The following PCNT variants were observed in gnomAD, a reference collection of about 807,000 sequenced individuals.
PCNT encodes pericentrin, also known as kendrin.
PCNT carries 319 observed loss-of-function variants against 380.4 expected under a neutral mutation model. That is an observed-to-expected ratio of 0.84 (90% CI 0.77 to 0.92). The LOEUF (loss-of-function observed/expected upper bound fraction) is 0.92. Among genes scored for constraint, PCNT ranks in the 40% least tolerant of loss-of-function variants. The pLI is 0.00. For missense variants in PCNT, 4,400 were observed against 4,255.3 expected (o/e 1.03, Z -0.95); for synonymous variants, 1,845 against 1,735.2 (o/e 1.06, Z -1.57).
Position 46,445,301 on chromosome 21 carries a change from TC to T in PCNT, c.9987del (p.Cys3330AlafsTer4). The T allele has an allele frequency of 1.2e-6, 2 of 1,609,346 alleles. No individual in the cohort carries two copies. The highest frequency in any genetic ancestry group is 1.7e-6 in the Non-Finnish European group (2 of 1,175,588). On this transcript the variant is annotated frameshift_variant, in exon 47 of 47. Coordinates refer to ENST00000359568, the MANE Select transcript of PCNT (RefSeq NM_006031.6). LOFTEE classifies it high-confidence loss of function. ...GVLPDSTSKK[S>X]CHPMIKQ ...ATATGCAGATTCTACTTCAAAGAAATCCTGCCACCCGATGATTAAACAGTGA... is the reference window on the plus strand; with the variant it reads ...ATATGCAGATTCTACTTCAAAGAAATCTGCCACCCGATGATTAAACAGTGA...
chr21:46,346,235 C>T (rs1487875339), intron 4 of PCNT, 27 bp downstream of exon 4: 1 of 1,560,724 alleles, frequency 6.4e-7, no homozygotes, highest in African/African-American at 1.4e-5. Flanking sequence ...TGCACAGGCT[C>T]ACAGCATGGG....
intron 20 of PCNT, 134 bp from the exon 21 acceptor site, chr21:46,391,030 A>G: frequency 9.1e-7 from 1 of 1,101,338 alleles, no homozygotes; most frequent in Non-Finnish European, 1.4e-6. Context: ...GGAGGCCTAC[A>G]CCTGGGTCCT....
rs776895418 is a variant in PCNT at position 46,399,635 on chromosome 21, A to G, written c.4630A>G (p.Asn1544Asp). ...GTTGAGAGAAAAGTTGGATGAATTT[A>G]ATGAATTGGCTATACAGAAAGAGTC... ...QKLREKLDEF[N>D]ELAIQKESAD... The change falls in exon 25 of 47, where the codon AAT becomes GAT. Residue 1544 changes from asparagine (N) to aspartate (D), a missense_variant. Physicochemically the swap from Asn to Asp is conservative, Grantham distance 23. Coordinates refer to ENST00000359568, the MANE Select transcript of PCNT (RefSeq NM_006031.6). The G allele has an allele frequency of 5.0e-6, 8 of 1,613,904 alleles. No individual in the cohort carries two copies. Among genetic ancestry groups the G allele is most frequent in the African/African-American group, 1.3e-5 (1 of 74,950 alleles).
At chr21:46,386,461 C>T (rs552415337) in intron 17 of PCNT, among the ~76,000 whole-genome samples, 24 of 152,358 alleles carry the variant, frequency 1.6e-4, no homozygotes, top group Admixed American at 4.6e-4. Flanking sequence ...TAGCCCTGTC[C>T]GTTCCTTTCT....
intron 38 of PCNT, among the ~76,000 whole-genome samples, chr21:46,435,392 A>C (rs1392012002): frequency 6.6e-6 from 1 of 150,952 alleles, no homozygotes; most frequent in Non-Finnish European, 1.5e-5. Flanking sequence ...CGCCCAGCTA[A>C]TTTTTATATT....
chr21:46,384,136 A>G (rs1416927643), intron 16 of PCNT, among the ~76,000 whole-genome samples: 4 of 107,924 alleles, frequency 3.7e-5, no homozygotes, highest in Non-Finnish European at 5.7e-5. Flanking sequence ...ATATTCAGTG[A>G]TGGAAGCACA....
At chr21:46,399,558 T>C (rs1397977325) in intron 24 of PCNT, 32 bp from the exon 25 acceptor site, 1 of 1,506,200 alleles carries the variant, frequency 6.6e-7, no homozygotes. Context: ...AAACATTCTA[T>C]TGTATTCCTC....
chr21:46,389,425 C>T lies in PCNT; in HGVS notation c.3834C>T (p.Ser1278=), dbSNP rs752510305. The T allele has an allele frequency of 1.1e-5, 18 of 1,613,272 alleles. No individual in the cohort carries two copies. The highest frequency in any genetic ancestry group is 3.3e-4 in the Middle Eastern group (2 of 6,058). ...DGLMEMALDS[S]RQLEEARQIH... is the part of the protein sequence containing the mutation. The stretch of plus-strand genomic sequence containing the variant: ...TCATGGAGATGGCCCTGGACTCCAG[C>T]AGGCAGGTGAGGCCCAGGCTCCCGG... Residue 1278 remains serine (S), a synonymous_variant, in exon 19 of 47, where the codon AGC becomes AGT. Coordinates refer to ENST00000359568, the MANE Select transcript of PCNT (RefSeq NM_006031.6).
At chr21:46,355,323 G>C (rs962454847) in intron 11 of PCNT, 129 bp from the exon 12 acceptor site, 1 of 963,392 alleles carries the variant, frequency 1.0e-6, no homozygotes, top group Non-Finnish European at 1.7e-6. Flanking sequence ...AGGGCGCAGC[G>C]TGTGGTCTCA....
Position 46,431,735 on chromosome 21 carries a change from G to A in PCNT, c.8271G>A (p.Leu2757=). Residue 2757 remains leucine (L), a synonymous_variant, in exon 38 of 47, where the codon CTG becomes CTA. Coordinates refer to ENST00000359568, the MANE Select transcript of PCNT (RefSeq NM_006031.6). ...CTGAGAAGAGCCGCACCCTGGAGCT[G>A]TCAGAGGCCTTGCGGCACGAGCGGC... ...LAAEKSRTLE[L]SEALRHERLL... The A allele has an allele frequency of 6.2e-7, 1 of 1,612,430 alleles. No homozygotes were observed. Among genetic ancestry groups the A allele is most frequent in the Non-Finnish European group, 8.5e-7 (1 of 1,179,820 alleles).
At chr21:46,366,478 T>A in intron 14 of PCNT, 106 bp from the exon 15 acceptor site, 1 of 914,544 alleles carries the variant, frequency 1.1e-6, no homozygotes, top group Non-Finnish European at 1.8e-6. Context: ...AACGATGACC[T>A]GAACAGTTGA....
chr21:46,410,715 C>A (rs139702040), intron 27 of PCNT, among the ~76,000 whole-genome samples: 36 of 152,318 alleles, frequency 2.4e-4, no homozygotes, highest in African/African-American at 8.2e-4. Flanking sequence ...CGCCTCATCA[C>A]CAGCGTCACC....
At chr21:46,445,055 C>CG (rs1556011564) in intron 46 of PCNT, among the ~76,000 whole-genome samples, 6 of 152,110 alleles carry the variant, frequency 3.9e-5, no homozygotes, top group African/African-American at 1.4e-4. Flanking sequence ...ACCGTCTGGA[C>CG]TTTTTTGTCC....
rs1396244124 is a variant in PCNT at position 46,431,883 on chromosome 21, A to T, written c.8419A>T (p.Met2807Leu). Reference protein sequence around the residue: ...EKSRVVDLQAMLEKVQQQALH... With the variant: ...EKSRVVDLQALLEKVQQQALH... The stretch of plus-strand genomic sequence containing the variant: ...GTCCCGGGTGGTGGACTTGCAAGCG[A>T]TGCTTGAAAAGGTGCAGCAGCAAGC... The change falls in exon 38 of 47, where the codon ATG becomes TTG. Residue 2807 changes from methionine to leucine, a missense_variant. By Grantham distance (15) the Met-to-Leu change is conservative. Transcript: ENST00000359568. 1 of 1,614,100 alleles carries T rather than the reference A, an allele frequency of 6.2e-7. No homozygotes were observed. The highest frequency in any genetic ancestry group is 1.1e-5 in the South Asian group (1 of 91,086).
At position 46,366,857 on chromosome 21, in the gene PCNT, G is replaced by C; in HGVS notation, c.2883G>C (p.Glu961Asp). 6.2e-7 allele frequency: 1 copy of C among 1,614,102 alleles called. No individual in the cohort carries two copies. The change falls in exon 15 of 47, where the codon GAG becomes GAC. Residue 961 changes from glutamate (E) to aspartate (D), a missense_variant. By Grantham distance (45) the Glu-to-Asp change is conservative. Transcript: ENST00000359568. ...TKHAADLGAL[E>D]TRHLSSLDSL... ...ACGCTGCCGACCTCGGCGCTCTGGAGACCAGACATCTGTCCAGCCTTGATT... is the reference window on the plus strand; with the variant it reads ...ACGCTGCCGACCTCGGCGCTCTGGACACCAGACATCTGTCCAGCCTTGATT...
rs957342518 is a variant in PCNT, at chr21:46,385,871, G to C, written c.3352G>C (p.Glu1118Gln). 6.2e-7 allele frequency: 1 copy of C among 1,614,208 alleles called. No homozygotes were observed. The highest frequency in any genetic ancestry group is 8.5e-7 in the Non-Finnish European group (1 of 1,179,992). ...TTTATCCTTAAGTCACGAGATAGAA[G>C]AGTGCCGCTCCGAGTTGGAGGTGCT... is the stretch of plus-strand genomic sequence containing the variant. Reference protein sequence around the residue: ...QVLSLSHEIEECRSELEVLQQ... With the variant: ...QVLSLSHEIEQCRSELEVLQQ... Residue 1118 changes from glutamate (E) to glutamine (Q), a missense_variant, in exon 17 of 47, where the codon GAG becomes CAG. Physicochemically the swap from Glu to Gln is conservative, Grantham distance 29. Transcript: ENST00000359568.
At chr21:46,390,953 C>T (rs2086010231) in intron 20 of PCNT, 121 bp downstream of exon 20, 2 of 1,284,954 alleles carry the variant, frequency 1.6e-6, no homozygotes, top group Admixed American at 2.0e-5. Flanking sequence ...ACAAAGCCAA[C>T]ATGGGAGGCA....
chr21:46,443,829 G>A lies in PCNT; in HGVS notation c.9720G>A (p.Pro3240=), dbSNP rs141991283. The change falls in exon 45 of 47, where the codon CCG becomes CCA. Residue 3240 remains proline, a synonymous_variant. Coordinates refer to ENST00000359568, the MANE Select transcript of PCNT (RefSeq NM_006031.6). Reference sequence around the variant, plus strand: ...GGGAAGGGCCCCGAGCACGACAGCCGCAGTCTCCACCCAGAACCAGAGAGT... The same window carrying A: ...GGGAAGGGCCCCGAGCACGACAGCCACAGTCTCCACCCAGAACCAGAGAGT... ...APRPGPRARQ[P]QSPPRTRESP... The A allele has an allele frequency of 5.5e-4, 885 of 1,613,570 alleles. 5 individuals are homozygous for A. In the African/African-American group the frequency reaches 9.9e-3, roughly 18 times the overall value.
chr21:46,428,120 T>C (rs112028683), intron 34 of PCNT, among the ~76,000 whole-genome samples: 26 of 152,092 alleles, frequency 1.7e-4, no homozygotes, highest in African/African-American at 6.3e-4. Context: ...CTGGGTGGCG[T>C]TGGTGCCGTG....
Sources: gnomAD v4.1 joint callset for allele counts (sites outside exome capture counted in the v4.1 genomes callset) on GRCh38, gnomAD v4.1.1 for gene constraint, MANE v1.5 for transcripts, NCBI Gene and HGNC (gene_info 2026-07-23, HGNC 2026-07-21) for gene names.